NFATC2: variants seen among roughly 807,000 people sequenced by gnomAD.
NFATC2 encodes the protein nuclear factor of activated T cells 2, also known as nuclear factor of activated T-cells, cytoplasmic 2.
NFATC2 carries 22 observed loss-of-function variants against 87.3 expected under a neutral mutation model. The observed-to-expected ratio is 0.25, with a 90% CI of 0.18 to 0.36. The LOEUF is 0.36. Ranked by LOEUF, NFATC2 falls within the 10% of genes least tolerant of loss-of-function variation. The pLI, the probability that NFATC2 is intolerant of heterozygous loss-of-function variation, is 1.00. For synonymous variants in NFATC2, 565 were observed against 542.2 expected, an observed-to-expected ratio of 1.04 and a Z score of -0.58; for missense variants, 1,149 against 1,259.1, an observed-to-expected ratio of 0.91 and a Z score of 1.32.
At chr20:51,456,473 T>G (rs1288573941) in intron 5 of NFATC2, among the ~76,000 whole-genome samples, 1 of 152,140 alleles carries the variant, frequency 6.6e-6, no homozygotes, top group African/African-American at 2.4e-5. Context: ...TCTCTTAGGT[T>G]AACTAGCCAG....
intron 2 of NFATC2, among the ~76,000 whole-genome samples, chr20:51,521,406 C>T (rs1336250178): frequency 2.0e-5 from 3 of 152,280 alleles, no homozygotes; most frequent in South Asian, 2.1e-4. Context: ...CTGCAACCTC[C>T]GCCTCCCAGG....
intron 6 of NFATC2, among the ~76,000 whole-genome samples, chr20:51,437,112 CAAAAAAAA>C (rs3029278): frequency 3.8e-5 from 5 of 130,756 alleles, no homozygotes; most frequent in African/African-American, 1.5e-4. Flanking sequence ...GAAGTTGGGC[CAAAAAAAA>C]AAAAAAAAAA....
At chr20:51,395,612 C>A (rs1272055540) in intron 10 of NFATC2, among the ~76,000 whole-genome samples, 1 of 150,962 alleles carries the variant, frequency 6.6e-6, no homozygotes, top group Non-Finnish European at 1.5e-5. Flanking sequence ...ACAGAGGTGC[C>A]CTAAAAGACT....
intron 9 of NFATC2, 164 bp from the exon 10 acceptor site, chr20:51,398,894 G>T: frequency 1.6e-6 from 1 of 607,786 alleles, no homozygotes; most frequent in Non-Finnish European, 2.9e-6. Context: ...ATTTGTGCCA[G>T]AATTAACCCA....
Position 51,432,785 on chromosome 20 carries a change from G to T in NFATC2, c.2033-29C>A, listed in dbSNP as rs777397846. On this transcript the variant is annotated intron_variant, in intron 8 of 10. Coordinates refer to ENST00000371564, the MANE Select transcript of NFATC2 (RefSeq NM_012340.5). The surrounding 1 kb of genome is among the most constrained non-coding windows in gnomAD (Gnocchi z 4.6). The stretch of plus-strand genomic sequence containing the variant: ...GGAGGAGAAAAGAGCACATAGGGGC[G>T]CCCATGGCAGTGAGCCACGGATGTG... 2 of 1,518,486 alleles carry T rather than the reference G, an allele frequency of 1.3e-6. No individual in the cohort carries two copies. The highest frequency in any genetic ancestry group is 1.8e-6 in the Non-Finnish European group (2 of 1,141,830). 94.1% of individuals were successfully genotyped at this position (1,518,486 alleles called of 1,614,324 possible).
At chr20:51,408,356 A>C (rs779472518) in intron 9 of NFATC2, among the ~76,000 whole-genome samples, 8 of 151,924 alleles carry the variant, frequency 5.3e-5, no homozygotes, top group Non-Finnish European at 1.2e-4. Flanking sequence ...TCTACTAAAA[A>C]TACAAAAATT....
intron 6 of NFATC2, among the ~76,000 whole-genome samples, chr20:51,443,756 C>A (rs550873446): frequency 6.6e-6 from 1 of 152,246 alleles, no homozygotes; most frequent in Admixed American, 6.5e-5. Context: ...ACTTCGGTCT[C>A]TTGAGCAGAT....
At chr20:51,484,983 G>A (rs112400631) in intron 3 of NFATC2, among the ~76,000 whole-genome samples, 3 of 152,306 alleles carry the variant, frequency 2.0e-5, no homozygotes, top group African/African-American at 7.2e-5. Flanking sequence ...AACCAAACAA[G>A]TCAGGCTCTC....
At chr20:51,403,291 C>G (rs1185513345) in intron 9 of NFATC2, among the ~76,000 whole-genome samples, 1 of 152,232 alleles carries the variant, frequency 6.6e-6, no homozygotes, top group Non-Finnish European at 1.5e-5. Flanking sequence ...GGACCAGGCT[C>G]TGTCTTAAAT....
intron 9 of NFATC2, among the ~76,000 whole-genome samples, chr20:51,413,067 G>A (rs1056251824): frequency 2.7e-5 from 4 of 149,538 alleles, no homozygotes; most frequent in African/African-American, 9.8e-5. Context: ...CAGCTCCCGG[G>A]TTTCACAATC....
chr20:51,546,370 G>A (rs1418191420), upstream of NFATC2, among the ~76,000 whole-genome samples: 1 of 152,098 alleles, frequency 6.6e-6, no homozygotes, highest in Admixed American at 6.5e-5. Flanking sequence ...TGGGCTGGGG[G>A]AAAGGCATAT....
chr20:51,525,926 C>A (rs1263762117), intron 1 of NFATC2, among the ~76,000 whole-genome samples: 1 of 150,478 alleles, frequency 6.6e-6, no homozygotes, highest in Non-Finnish European at 1.5e-5. Context: ...GCCACCCACC[C>A]CCACCACTCC....
chr20:51,538,370 T>C (rs1482576148), intron 1 of NFATC2, among the ~76,000 whole-genome samples: 1 of 152,110 alleles, frequency 6.6e-6, no homozygotes, highest in Non-Finnish European at 1.5e-5. Context: ...CAACTCCCAT[T>C]TGTAATAAAA....
intron 10 of NFATC2, among the ~76,000 whole-genome samples, chr20:51,398,376 T>C (rs1040823302): frequency 2.0e-5 from 3 of 152,170 alleles, no homozygotes; most frequent in South Asian, 2.1e-4. Context: ...GCTGCATTTT[T>C]CCACGCAGGC....
At chr20:51,473,152 C>T (rs940923064) in intron 5 of NFATC2, among the ~76,000 whole-genome samples, 1 of 152,178 alleles carries the variant, frequency 6.6e-6, no homozygotes, top group Non-Finnish European at 1.5e-5. Context: ...AGATCCTGGT[C>T]ACTTCGTATC....
At chr20:51,501,084 T>C (rs2146628067) in intron 3 of NFATC2, among the ~76,000 whole-genome samples, 1 of 150,352 alleles carries the variant, frequency 6.7e-6, no homozygotes, top group African/African-American at 2.5e-5. Context: ...ACACAGATGG[T>C]TTTTCTCTCT....
intron 1 of NFATC2, among the ~76,000 whole-genome samples, chr20:51,538,883 A>C (rs2076762691): frequency 6.6e-6 from 1 of 152,230 alleles, no homozygotes; most frequent in African/African-American, 2.4e-5. Flanking sequence ...GTTGGTAAAC[A>C]AGGTTTTCAA....
chr20:51,412,740 C>T (rs994483801), intron 9 of NFATC2, among the ~76,000 whole-genome samples: 3 of 151,822 alleles, frequency 2.0e-5, no homozygotes, highest in Non-Finnish European at 4.4e-5. Flanking sequence ...ATGCTATCTT[C>T]GGGAGGAGCA....
intron 1 of NFATC2, among the ~76,000 whole-genome samples, chr20:51,553,347 A>G (rs1267551371): frequency 6.6e-6 from 1 of 152,100 alleles, no homozygotes; most frequent in Non-Finnish European, 1.5e-5. Flanking sequence ...GCTTTCTAGC[A>G]CGTTCCCCTC....
Sources: allele counts gnomAD v4.1 joint callset (sites outside exome capture counted in the v4.1 genomes callset), GRCh38; gene constraint gnomAD v4.1.1; non-coding constraint Gnocchi (gnomAD v3.1); transcripts MANE v1.5; gene names NCBI Gene and HGNC (gene_info 2026-07-23, HGNC 2026-07-21).